Variants in ARIH2 observed in about 807,000 individuals in gnomAD.
ARIH2 encodes the protein ariadne RBR E3 ubiquitin protein ligase 2.
In ARIH2, 12 loss-of-function variants were observed where a neutral mutation model predicts 79.8. That is an observed-to-expected ratio of 0.15 (90% CI 0.10 to 0.24). The LOEUF (loss-of-function observed/expected upper bound fraction) is 0.24, where lower values mean the gene tolerates loss of function less well. Among genes scored for constraint, ARIH2 ranks in the 10% least tolerant of loss-of-function variants. The pLI is 1.00. For missense variants in ARIH2, 301 were observed against 618.3 expected (o/e 0.49, Z 5.44); for synonymous variants, 224 against 213.9 (o/e 1.05, Z -0.41).
At position 48,980,346 on chromosome 3, in the gene ARIH2, C is replaced by A. The variant is rs749850993; in HGVS notation, c.1114-7C>A. ...CTGTGGTTTTCTTCTTCTTCTGTGC[C>A]CTGTAGTGGGAAAACCACAATAAAA... On this transcript the variant is annotated splice_polypyrimidine_tract_variant and splice_region_variant and intron_variant, in intron 12 of 15. Transcript: ENST00000356401. 7.4e-6 allele frequency: 12 copies of A among 1,612,474 alleles called. No homozygotes were observed. In the East Asian group the frequency reaches 2.7e-4, roughly 36 times the overall value.
At chr3:48,936,958 G>A (rs1576215227) in intron 3 of ARIH2, among the ~76,000 whole-genome samples, 1 of 151,738 alleles carries the variant, frequency 6.6e-6, no homozygotes, top group Admixed American at 6.6e-5. Flanking sequence ...AACCCGGGAG[G>A]TGGAGCTTGC....
At chr3:48,944,640 A>T (rs1468553624) in intron 3 of ARIH2, among the ~76,000 whole-genome samples, 1 of 152,106 alleles carries the variant, frequency 6.6e-6, no homozygotes, top group African/African-American at 2.4e-5. Flanking sequence ...TATGGGAGAA[A>T]TGAAATCCTA....
chr3:48,947,441 C>CA (rs71077757), intron 3 of ARIH2, among the ~76,000 whole-genome samples: 90,818 of 118,782 alleles, frequency 0.76, 33,511 homozygotes, highest in East Asian at 0.98. Flanking sequence ...AACTCTGTCT[C>CA]AAAAAAAAAA....
At chr3:48,959,315 C>CAA (rs572436218) in intron 3 of ARIH2, among the ~76,000 whole-genome samples, 14 of 82,782 alleles carry the variant, frequency 1.7e-4, no homozygotes, top group Non-Finnish European at 1.0e-4. Context: ...GACTCCATCT[C>CAA]AAAAAAAAAA....
At chr3:48,940,708 T>C (rs1202918160) in intron 3 of ARIH2, among the ~76,000 whole-genome samples, 1 of 150,210 alleles carries the variant, frequency 6.7e-6, no homozygotes, top group East Asian at 2.0e-4. Context: ...GGCAGGAGAA[T>C]TGCTTGAACC....
intron 3 of ARIH2, among the ~76,000 whole-genome samples, chr3:48,937,348 T>A (rs1002773557): frequency 6.6e-6 from 1 of 152,158 alleles, no homozygotes; most frequent in East Asian, 1.9e-4. Flanking sequence ...ATCTTAATTG[T>A]TGGTACCACC....
At chr3:48,932,883 T>C (rs900828553) in intron 3 of ARIH2, among the ~76,000 whole-genome samples, 1 of 151,948 alleles carries the variant, frequency 6.6e-6, no homozygotes, top group African/African-American at 2.4e-5. Flanking sequence ...TTGAAGGTGG[T>C]GTAGAAGGGC....
chr3:48,954,898 T>A (rs1190447656), intron 3 of ARIH2, among the ~76,000 whole-genome samples: 1 of 152,170 alleles, frequency 6.6e-6, no homozygotes, highest in Non-Finnish European at 1.5e-5. Context: ...TTTCTAGAAA[T>A]AGAAAAAGCA....
At position 48,953,218 on chromosome 3, in the gene ARIH2, C is replaced by T. The variant is rs191744890; in HGVS notation, c.256-8394C>T. On this transcript the variant is annotated intron_variant, in intron 3 of 15. Transcript: ENST00000356401. The stretch of plus-strand genomic sequence containing the variant: ...GTGCTGGCATTACAGGTGTAAGCCA[C>T]CGCGCCTGGCCAGCAATTCTGAGTA... Among the ~76,000 whole-genome samples the T allele has an allele frequency of 1.6e-3, 246 of 152,186 alleles. 4 individuals are homozygous for T. The highest frequency in any genetic ancestry group is 3.4e-3 in the Middle Eastern group (1 of 294).
At position 48,982,867 on chromosome 3, in the gene ARIH2, CT is replaced by C. The variant is rs752500553; in HGVS notation, c.1327-25del. ...CCTGCCCCAGCCACAGCCCACTCAC[CT>C]TTTGACCCTCCTGCTCTGCCTATAC... On this transcript the variant is annotated intron_variant, in intron 14 of 15. Transcript: ENST00000356401. The C allele has an allele frequency of 9.4e-6, 15 of 1,604,138 alleles. No homozygotes were observed. In the East Asian group the frequency reaches 3.3e-4, roughly 36 times the overall value.
intron 3 of ARIH2, among the ~76,000 whole-genome samples, chr3:48,949,904 C>G (rs990107357): frequency 6.6e-6 from 1 of 151,066 alleles, no homozygotes; most frequent in Non-Finnish European, 1.5e-5. Context: ...AGAGTAAAAG[C>G]TTAATTTTGA....
At position 48,973,789 on chromosome 3, in the gene ARIH2, C is replaced by T; in HGVS notation, c.861C>T (p.Ala287=). ...AGTGTGCAGACGACTCTGAAACAGC[C>T]AACTACATTAGTGCTCACACTAAAG... is the stretch of plus-strand genomic sequence containing the variant. ...LTKCADDSET[A]NYISAHTKDC... Residue 287 remains alanine, a synonymous_variant, in exon 9 of 16, where the codon GCC becomes GCT. Coordinates refer to ENST00000356401, the MANE Select transcript of ARIH2 (RefSeq NM_006321.4). 1 of 1,613,928 alleles carries T rather than the reference C, an allele frequency of 6.2e-7. No individual in the cohort carries two copies. Among genetic ancestry groups the T allele is most frequent in the Non-Finnish European group, 8.5e-7 (1 of 1,179,872 alleles).
intron 3 of ARIH2, among the ~76,000 whole-genome samples, chr3:48,940,810 T>TAA (rs1559753654): frequency 1.6e-5 from 1 of 63,146 alleles, no homozygotes; most frequent in African/African-American, 5.6e-5. Context: ...AAAAAAAAAA[T>TAA]ATATATATAT....
intron 3 of ARIH2, among the ~76,000 whole-genome samples, chr3:48,959,043 G>A (rs148537543): frequency 6.0e-4 from 90 of 150,962 alleles, no homozygotes; most frequent in African/African-American, 2.0e-3. Context: ...TAGGCCGAGC[G>A]CGGTGGCTCA....
At chr3:48,976,526 A>G (rs1405585690) in intron 11 of ARIH2, among the ~76,000 whole-genome samples, 2 of 152,020 alleles carry the variant, frequency 1.3e-5, no homozygotes, top group African/African-American at 4.8e-5. Flanking sequence ...AGCCCTCTCA[A>G]TCAGAGTGGT....
chr3:48,976,539 T>A (rs2092511434), intron 11 of ARIH2, among the ~76,000 whole-genome samples: 1 of 152,136 alleles, frequency 6.6e-6, no homozygotes, highest in Admixed American at 6.6e-5. Context: ...AGAGTGGTCA[T>A]GCCAGGATCT....
chr3:48,963,941 A>G (rs1422062270), intron 4 of ARIH2, among the ~76,000 whole-genome samples: 2 of 152,044 alleles, frequency 1.3e-5, no homozygotes, highest in African/African-American at 2.4e-5. Flanking sequence ...CCCTTCTCCC[A>G]TGTCCAGTTC....
Position 48,968,659 on chromosome 3 carries a change from T to G in ARIH2, c.660+4T>G. 6.2e-7 allele frequency: 1 copy of G among 1,606,374 alleles called. No homozygotes were observed. Among genetic ancestry groups the G allele is most frequent in the Non-Finnish European group, 8.5e-7 (1 of 1,174,634 alleles). The stretch of plus-strand genomic sequence containing the variant: ...CCTCTTCAGGGACTATGTGGAGGTA[T>G]GGCCAGCCTTTGTTCTGCCCTCTGT... On this transcript the variant is annotated splice_donor_region_variant and intron_variant, in intron 7 of 15. Transcript: ENST00000356401.
intron 3 of ARIH2, chr3:48,934,514 C>T (rs1192942341): frequency 1.0e-6 from 1 of 985,188 alleles, no homozygotes; most frequent in Non-Finnish European, 1.2e-6. Flanking sequence ...GTGTGCTGAG[C>T]AGCCCTCTGA....
Sources: allele counts gnomAD v4.1 joint callset (sites outside exome capture counted in the v4.1 genomes callset), GRCh38; gene constraint gnomAD v4.1.1; transcripts MANE v1.5; gene names NCBI Gene and HGNC (gene_info 2026-07-23, HGNC 2026-07-21).